Variants in GGA2 observed in about 807,000 individuals in gnomAD.
GGA2 encodes ADP-ribosylation factor-binding protein GGA2.
Under a neutral mutation model 79.5 loss-of-function variants are expected in GGA2, and 48 were observed. That is an observed-to-expected ratio of 0.60 (90% CI 0.48 to 0.77). The LOEUF (loss-of-function observed/expected upper bound fraction) is 0.77, where lower values mean the gene tolerates loss of function less well. GGA2 is among the 30% of genes least tolerant of loss of function. GGA2 has a pLI of 0.00. For synonymous variants in GGA2, 317 were observed against 302.0 expected, an observed-to-expected ratio of 1.05 and a Z score of -0.51; for missense variants, 770 against 774.0, an observed-to-expected ratio of 0.99 and a Z score of 0.06.
Position 23,467,441 on chromosome 16 carries a change from C to G in GGA2, c.*149G>C, listed in dbSNP as rs919308063. 5 of 615,300 alleles carry G rather than the reference C, an allele frequency of 8.1e-6. No individual in the cohort carries two copies. The Admixed American group carries it at 9.6e-5, about 12-fold the overall frequency. 38.1% of individuals were successfully genotyped at this position (615,300 alleles called of 1,614,324 possible). Reference sequence around the variant, plus strand: ...ACACACACACACACACACAGAGCATCTGCAGAATAAGTCAGAGGTTGACAC... The same window carrying G: ...ACACACACACACACACACAGAGCATGTGCAGAATAAGTCAGAGGTTGACAC... On this transcript the variant is annotated 3_prime_UTR_variant, in exon 17 of 17. Transcript: ENST00000309859.
chr16:23,513,805 GAAAAAAAGA>G (rs1965087961), upstream of GGA2, among the ~76,000 whole-genome samples: 1 of 141,990 alleles, frequency 7.0e-6, no homozygotes, highest in African/African-American at 2.6e-5. Context: ...AAAAAAGAAA[GAAAAAAAGA>G]AAAGAAAAGA....
At chr16:23,479,141 G>T in intron 11 of GGA2, 1 of 580,218 alleles carries the variant, frequency 1.7e-6, no homozygotes, top group Non-Finnish European at 3.1e-6. Context: ...TGCTCCCCAA[G>T]GGAACCAGCT....
At position 23,493,930 on chromosome 16, in the gene GGA2, A is replaced by G. The variant is rs112730560; in HGVS notation, c.252+373T>C. 339 of 306,556 alleles carry G rather than the reference A, an allele frequency of 1.1e-3. 3 individuals carry two copies. Among genetic ancestry groups the G allele is most frequent in the African/African-American group, 6.9e-3 (329 of 47,352 alleles). 19.0% of individuals were successfully genotyped at this position (306,556 alleles called of 1,614,324 possible). Reference sequence around the variant, plus strand: ...AACATCTAAACACTCAAACATATACAAAGACCTAAACTAGCAACCCTGAGC... The same window carrying G: ...AACATCTAAACACTCAAACATATACGAAGACCTAAACTAGCAACCCTGAGC... On this transcript the variant is annotated intron_variant, in intron 3 of 16. Coordinates refer to ENST00000309859, the MANE Select transcript of GGA2 (RefSeq NM_015044.4).
Position 23,480,645 on chromosome 16 carries a change from C to G in GGA2, c.1006G>C (p.Val336Leu), listed in dbSNP as rs1964635106. ...SSLGDIPVSR[V>L]FQNPAGCMKT... ...GGCAAGGAGAAGCTTTCAAACATAC[C>G]TCTGGAGACAGGGATGTCTCCCAAT... is the stretch of plus-strand genomic sequence containing the variant. The change falls in exon 10 of 17, where the codon GTC (valine) becomes CTC (leucine). Residue 336 changes from valine to leucine, a missense_variant and splice_region_variant. Val to Leu is a conservative substitution (Grantham distance 32). Coordinates refer to ENST00000309859, the MANE Select transcript of GGA2 (RefSeq NM_015044.4). 9 of 1,611,472 alleles carry G rather than the reference C, an allele frequency of 5.6e-6. No homozygotes were observed. Among genetic ancestry groups the G allele is most frequent in the Non-Finnish European group, 5.1e-6 (6 of 1,177,958 alleles).
At position 23,517,509 on chromosome 16, in the gene GGA2, G is replaced by A. The variant is rs865848482; in HGVS notation, c.61+2078C>T. On this transcript the variant is annotated intron_variant, in intron 2 of 5. Transcript: ENST00000569300. Reference sequence around the variant, plus strand: ...CTCCCAAAGTGCTGGGATTACAGGCGTGAGCCACCGCGCCCGGCCCCAGCT... The same window carrying A: ...CTCCCAAAGTGCTGGGATTACAGGCATGAGCCACCGCGCCCGGCCCCAGCT... Among the ~76,000 whole-genome samples, 5 of 4,484 alleles carry A rather than the reference G, an allele frequency of 1.1e-3. 2 individuals carry two copies. The highest frequency in any genetic ancestry group is 7.9e-3 in the South Asian group (2 of 252). The allele number at this position is 4,484 out of a possible 152,430, so 2.9% of individuals were successfully genotyped here.
In GGA2 at chr16:23,486,781, T is replaced by A; in HGVS notation, c.589A>T (p.Arg197Trp). ...ADEEKSKLLTRLLKSNHPEDL... is the reference protein window; with the variant it reads ...ADEEKSKLLTWLLKSNHPEDL... ...TCGGGGTGGTTGCTCTTTAGAAGCC[T>A]TGTCAGAAGCTGCAGAGAGTGAACA... The change falls in exon 7 of 17, where the codon AGG becomes TGG. Residue 197 changes from arginine (R) to tryptophan (W), a missense_variant. Coordinates refer to ENST00000309859, the MANE Select transcript of GGA2 (RefSeq NM_015044.4). The A allele has an allele frequency of 6.2e-7, 1 of 1,605,248 alleles. No homozygotes were observed. The highest frequency in any genetic ancestry group is 1.3e-5 in the African/African-American group (1 of 74,828).
intron 1 of GGA2, among the ~76,000 whole-genome samples, chr16:23,520,657 TAAA>T (rs77857333): frequency 1.5e-5 from 2 of 131,958 alleles, no homozygotes; most frequent in African/African-American, 2.8e-5. Flanking sequence ...AACATCCTCT[TAAA>T]AAAAAAAAAA....
At chr16:23,468,593 C>A (rs1352463452) in intron 16 of GGA2, among the ~76,000 whole-genome samples, 1 of 151,872 alleles carries the variant, frequency 6.6e-6, no homozygotes, top group Non-Finnish European at 1.5e-5. Context: ...CCTGCCTCAG[C>A]CTCCTGAGCA....
rs1288670195 is a variant in GGA2 at position 23,465,697 on chromosome 16, C to G, written c.*1893G>C. 6.2e-6 allele frequency: 2 copies of G among 324,688 alleles called. No homozygotes were observed. The highest frequency in any genetic ancestry group is 1.1e-5 in the Non-Finnish European group (2 of 175,452). The allele number at this position is 324,688 out of a possible 1,614,324, so 20.1% of individuals were successfully genotyped here. On this transcript the variant is annotated 3_prime_UTR_variant, in exon 17 of 17. Transcript: ENST00000309859. ...GGCTCACGCCTGTAATCCCAGCACTCTGGGAGGCCAAGGCAGGCGGATCAC... is the reference window on the plus strand; with the variant it reads ...GGCTCACGCCTGTAATCCCAGCACTGTGGGAGGCCAAGGCAGGCGGATCAC...
chr16:23,514,066 G>A (rs998497780), upstream of GGA2, among the ~76,000 whole-genome samples: 2 of 151,650 alleles, frequency 1.3e-5, no homozygotes, highest in African/African-American at 2.4e-5. Context: ...GCCTTCCCTC[G>A]GTCTTTATTT....
Position 23,483,584 on chromosome 16 carries a change from A to G in GGA2, c.799-580T>C, listed in dbSNP as rs769582824. Among the ~76,000 whole-genome samples, 11 of 152,216 alleles carry G rather than the reference A, an allele frequency of 7.2e-5. No individual in the cohort carries two copies. The Middle Eastern group carries it at 0.01, about 141-fold the overall frequency. ...GGTGGAGAACAGAGTTCCAAGGGAG[A>G]CCAACAGCATGGCTGCCTCGAACCT... is the stretch of plus-strand genomic sequence containing the variant. On this transcript the variant is annotated intron_variant, in intron 8 of 16. Coordinates refer to ENST00000309859, the MANE Select transcript of GGA2 (RefSeq NM_015044.4).
At chr16:23,474,763 C>T in intron 14 of GGA2, 141 bp downstream of exon 14, 1 of 678,730 alleles carries the variant, frequency 1.5e-6, no homozygotes. Flanking sequence ...CAACCTCTTA[C>T]TTTCTGCCCT....
intron 6 of GGA2, among the ~76,000 whole-genome samples, chr16:23,488,069 G>A (rs1462627826): frequency 1.3e-5 from 2 of 152,038 alleles, no homozygotes; most frequent in Non-Finnish European, 2.9e-5. Context: ...ACGGTTTGGG[G>A]AGTTCATGGT....
intron 12 of GGA2, 127 bp downstream of exon 12, chr16:23,478,756 C>G (rs1340732373): frequency 1.3e-6 from 1 of 791,994 alleles, no homozygotes; most frequent in Non-Finnish European, 2.2e-6. Context: ...GGCTTTGGAC[C>G]TCCAAGGCCA....
upstream of GGA2, among the ~76,000 whole-genome samples, chr16:23,514,715 A>C (rs1400813834): frequency 6.6e-6 from 1 of 152,146 alleles, no homozygotes; most frequent in East Asian, 1.9e-4. Context: ...CTGGGACTAC[A>C]GGCATAAGCC....
chr16:23,511,412 C>A (rs530318911), upstream of GGA2, among the ~76,000 whole-genome samples: 48 of 151,910 alleles, frequency 3.2e-4, no homozygotes, highest in Non-Finnish European at 5.7e-4. Context: ...GCCCGCTTCG[C>A]CCTCCCAAAG....
In GGA2 at chr16:23,491,664, A is replaced by G. The variant is rs1567365702; in HGVS notation, c.475+13T>C. ...AGTCAAGAGGAAATAAGACACAGTAAGGCAAGTCAGACCTTGTTTCTTCAG... is the reference window on the plus strand; with the variant it reads ...AGTCAAGAGGAAATAAGACACAGTAGGGCAAGTCAGACCTTGTTTCTTCAG... On this transcript the variant is annotated intron_variant, in intron 5 of 16. Transcript: ENST00000309859. The G allele has an allele frequency of 6.2e-7, 1 of 1,612,408 alleles. No homozygotes were observed. The highest frequency in any genetic ancestry group is 2.2e-5 in the East Asian group (1 of 44,838).
At chr16:23,524,289 C>A (rs527418211), upstream of GGA2, 8 of 1,240,750 alleles carry the variant, frequency 6.4e-6, no homozygotes, top group East Asian at 1.8e-4. Context: ...CGACGGGCCC[C>A]AGGCCTCCTT....
At chr16:23,485,315 G>T (rs555133952) in intron 8 of GGA2, among the ~76,000 whole-genome samples, 8 of 152,276 alleles carry the variant, frequency 5.3e-5, no homozygotes, top group Non-Finnish European at 1.0e-4. Context: ...AACTAGGTAG[G>T]TGTGATGGTT....
Sources: allele counts gnomAD v4.1 joint callset (sites outside exome capture counted in the v4.1 genomes callset), GRCh38; gene constraint gnomAD v4.1.1; transcripts MANE v1.5; gene names NCBI Gene and HGNC (gene_info 2026-07-23, HGNC 2026-07-21).